The following TRPC5 variants were observed in gnomAD, a reference collection of about 807,000 sequenced individuals.
TRPC5 encodes short transient receptor potential channel 5.
Under a neutral mutation model 56.5 loss-of-function variants are expected in TRPC5, and 9 were observed. The observed-to-expected ratio is 0.16, with a 90% CI of 0.10 to 0.28. The LOEUF is 0.28. TRPC5 is among the 10% of genes least tolerant of loss of function. The pLI, the probability that TRPC5 is intolerant of heterozygous loss-of-function variation, is 1.00. For synonymous variants in TRPC5, 282 were observed against 278.5 expected (o/e 1.01, Z -0.13); for missense variants, 469 against 748.9 (o/e 0.63, Z 4.36).
intron 7 of TRPC5, among the ~76,000 whole-genome samples, chrX:111,823,507 A>G (rs1390052729): frequency 9.0e-6 from 1 of 111,441 alleles, no homozygotes; most frequent in Non-Finnish European, 1.9e-5. Flanking sequence ...TTGTCATACA[A>G]ACGAACTTGG....
chrX:112,025,190 GAA>G (rs201147298), intron 1 of TRPC5, among the ~76,000 whole-genome samples: 1 of 111,879 alleles, frequency 8.9e-6, no homozygotes, highest in African/African-American at 3.2e-5. Flanking sequence ...CAGATATTAT[GAA>G]AAAAGTCTAG....
At chrX:111,833,612 G>T (rs1332186710) in intron 7 of TRPC5, among the ~76,000 whole-genome samples, 1 of 111,219 alleles carries the variant, frequency 9.0e-6, no homozygotes, top group Non-Finnish European at 1.9e-5. Context: ...CTCCCAAATA[G>T]GTAACTCAAA....
intron 1 of TRPC5, among the ~76,000 whole-genome samples, chrX:112,007,621 CAG>C (rs1371169302): frequency 5.4e-5 from 6 of 111,718 alleles, no homozygotes; most frequent in South Asian, 3.8e-4. Flanking sequence ...GCCGGCATAA[CAG>C]AGTCATTCAT....
At chrX:111,812,221 A>G (rs1045722395) in intron 7 of TRPC5, among the ~76,000 whole-genome samples, 3 of 111,124 alleles carry the variant, frequency 2.7e-5, no homozygotes, top group Non-Finnish European at 5.7e-5. Flanking sequence ...TGAGGGAAGA[A>G]TACTTGATTT....
At chrX:112,053,589 G>C (rs182329036) in intron 1 of TRPC5, among the ~76,000 whole-genome samples, 1 of 111,798 alleles carries the variant, frequency 8.9e-6, no homozygotes, top group Admixed American at 9.5e-5. Context: ...TGACTAGTTG[G>C]GGCTGTACAG....
At chrX:111,982,949 C>T (rs1363542172) in intron 1 of TRPC5, among the ~76,000 whole-genome samples, 1 of 111,098 alleles carries the variant, frequency 9.0e-6, no homozygotes, top group African/African-American at 3.3e-5. Context: ...TCTGGAGGAA[C>T]CTGCCCTAAC....
chrX:112,041,556 T>C (rs1329303057), intron 1 of TRPC5, among the ~76,000 whole-genome samples: 6 of 111,795 alleles, frequency 5.4e-5, no homozygotes, highest in Non-Finnish European at 1.1e-4. Context: ...CAGTTAATGG[T>C]GAGCAGACCT....
At chrX:111,794,259 G>A (rs1946044089) in intron 7 of TRPC5, among the ~76,000 whole-genome samples, 1 of 111,706 alleles carries the variant, frequency 9.0e-6, no homozygotes, top group Non-Finnish European at 1.9e-5. Flanking sequence ...GGATATTTGT[G>A]TGAGTCTATG....
At chrX:111,923,546 A>G (rs1490876859) in intron 2 of TRPC5, among the ~76,000 whole-genome samples, 2 of 111,931 alleles carry the variant, frequency 1.8e-5, no homozygotes, top group African/African-American at 6.5e-5. Flanking sequence ...TATGGGTTCT[A>G]ATGAGTGATG....
At chrX:111,848,523 G>A (rs777205780) in intron 5 of TRPC5, among the ~76,000 whole-genome samples, 1 of 112,370 alleles carries the variant, frequency 8.9e-6, no homozygotes, top group African/African-American at 3.2e-5. Context: ...GAAGCATATT[G>A]CCTTGAGCTC....
chrX:111,781,982 T>C lies in TRPC5; in HGVS notation c.2053A>G (p.Arg685Gly). ...CTTCTCCGTCTACCGTCAGGGTCTC[T>C]TTTGGGGCAGAAGGTGTTGTTGAAC... The part of the protein sequence containing the change: ...NWFNNTFCPK[R>G]DPDGRRRRRN... The change falls in exon 8 of 11, where the codon AGA becomes GGA. Residue 685 changes from arginine (R) to glycine (G), a missense_variant. By Grantham distance (125) the Arg-to-Gly change is moderately radical. Transcript: ENST00000262839. The C allele has an allele frequency of 8.3e-7, 1 of 1,209,444 alleles. No homozygotes were observed. Among genetic ancestry groups the C allele is most frequent in the South Asian group, 1.8e-5 (1 of 56,440 alleles).
chrX:111,785,521 A>G, intron 7 of TRPC5, among the ~76,000 whole-genome samples: 1 of 111,850 alleles, frequency 8.9e-6, no homozygotes, highest in Non-Finnish European at 1.9e-5. Flanking sequence ...AAAGAATCAC[A>G]TCTCCTCACC....
At chrX:112,042,137 CAG>C (rs1341966142) in intron 1 of TRPC5, among the ~76,000 whole-genome samples, 1 of 111,445 alleles carries the variant, frequency 9.0e-6, no homozygotes, top group African/African-American at 3.3e-5. Context: ...ACGAGACTGA[CAG>C]ATGCTCACCG....
intron 1 of TRPC5, among the ~76,000 whole-genome samples, chrX:112,044,005 T>G (rs772594243): frequency 8.9e-6 from 1 of 111,929 alleles, no homozygotes; most frequent in African/African-American, 3.2e-5. Context: ...AGATTTTTAT[T>G]TTCTTGAAGT....
chrX:112,031,458 C>T (rs1322495410), intron 1 of TRPC5, among the ~76,000 whole-genome samples: 2 of 111,616 alleles, frequency 1.8e-5, no homozygotes, highest in African/African-American at 6.5e-5. Flanking sequence ...CTTACTGTTT[C>T]CAATTTCTGC....
chrX:112,021,687 CAG>C (rs1427074032), intron 1 of TRPC5, among the ~76,000 whole-genome samples: 1 of 112,326 alleles, frequency 8.9e-6, no homozygotes, highest in East Asian at 2.8e-4. Flanking sequence ...AGACATTGAA[CAG>C]TCAGGATAAT....
intron 1 of TRPC5, among the ~76,000 whole-genome samples, chrX:112,063,843 G>T (rs1011162908): frequency 1.5e-4 from 17 of 112,121 alleles, no homozygotes; most frequent in Non-Finnish European, 9.4e-5. Flanking sequence ...CCAGGCTGGA[G>T]TGCAGTGGCG....
chrX:112,043,966 A>T (rs1186050447), intron 1 of TRPC5, among the ~76,000 whole-genome samples: 1 of 89,545 alleles, frequency 1.1e-5, no homozygotes, highest in Non-Finnish European at 2.4e-5. Context: ...TGCAGTTAGC[A>T]GGAATTATTT....
chrX:111,860,009 C>G (rs1302848724), intron 3 of TRPC5, among the ~76,000 whole-genome samples: 3 of 112,928 alleles, frequency 2.7e-5, no homozygotes, highest in Middle Eastern at 4.7e-3. Context: ...CCTGGGTTTA[C>G]GCCATTCTCC....
Sources: gnomAD v4.1 joint callset for allele counts (sites outside exome capture counted in the v4.1 genomes callset) on GRCh38, gnomAD v4.1.1 for gene constraint, MANE v1.5 for transcripts, NCBI Gene and HGNC (gene_info 2026-07-23, HGNC 2026-07-21) for gene names.